MAGI1: variants seen among roughly 807,000 people sequenced by gnomAD.
The protein encoded by MAGI1 is membrane-associated guanylate kinase, WW and PDZ domain-containing protein 1.
MAGI1 carries 58 observed loss-of-function variants against 139.9 expected under a neutral mutation model. The ratio of observed to expected loss-of-function variants is 0.41; its 90% CI spans 0.34 to 0.52. The LOEUF is 0.52. MAGI1 is among the 20% of genes least tolerant of loss of function. The pLI, the probability that MAGI1 is intolerant of heterozygous loss-of-function variation, is 0.12. For missense variants in MAGI1, 1,874 were observed against 1,901.6 expected (o/e 0.99, Z 0.27); for synonymous variants, 812 against 737.9 (o/e 1.10, Z -1.63).
In MAGI1 at chr3:65,825,785, C is replaced by T. The variant is rs546672741; in HGVS notation, c.314-203697G>A. Among the ~76,000 whole-genome samples, 17 of 152,178 alleles carry T rather than the reference C, an allele frequency of 1.1e-4. No individual in the cohort carries two copies. In the South Asian group the frequency reaches 1.7e-3, roughly 15 times the overall value. ...CAGGCAGATCACGACGTCAAGAATTCGGGACCAGCCTGGCCAGTATGGTGA... is the reference window on the plus strand; with the variant it reads ...CAGGCAGATCACGACGTCAAGAATTTGGGACCAGCCTGGCCAGTATGGTGA... On this transcript the variant is annotated intron_variant, in intron 1 of 22. Transcript: ENST00000402939.
At chr3:65,391,653 G>A (rs928890941) in intron 13 of MAGI1, among the ~76,000 whole-genome samples, 5 of 152,116 alleles carry the variant, frequency 3.3e-5, no homozygotes, top group Admixed American at 2.6e-4. Context: ...AAGACGCTAT[G>A]CTCGTTTACT....
intron 1 of MAGI1, among the ~76,000 whole-genome samples, chr3:65,982,652 CTTGTA>C (rs1470445008): frequency 2.6e-5 from 4 of 152,124 alleles, no homozygotes; most frequent in Admixed American, 1.3e-4. Context: ...TTATCAGTGT[CTTGTA>C]TTGTAGAGTG....
At chr3:65,863,226 C>T (rs1305636768) in intron 1 of MAGI1, among the ~76,000 whole-genome samples, 1 of 152,180 alleles carries the variant, frequency 6.6e-6, no homozygotes, top group African/African-American at 2.4e-5. Context: ...ATACTGGTTA[C>T]CATGTCTTCT....
At chr3:66,033,292 G>C (rs1336598501) in intron 1 of MAGI1, among the ~76,000 whole-genome samples, 1 of 152,136 alleles carries the variant, frequency 6.6e-6, no homozygotes, top group African/African-American at 2.4e-5. Flanking sequence ...CCAAGGTGCT[G>C]GGATTACAGG....
In MAGI1 at chr3:65,766,436, G is replaced by A. The variant is rs189328442; in HGVS notation, c.314-144348C>T. ...GTGGATAATAGAAATTCGAAACTAC[G>A]TTGCAAGGGATTGTACAGCTATTCT... On this transcript the variant is annotated intron_variant, in intron 1 of 22. Coordinates refer to ENST00000402939, the MANE Select transcript of MAGI1 (RefSeq NM_001033057.2). 7.2e-5 allele frequency among the ~76,000 whole-genome samples: 11 copies of A among 152,140 alleles called. No individual in the cohort carries two copies. The East Asian group carries it at 1.2e-3, about 16-fold the overall frequency.
intron 1 of MAGI1, among the ~76,000 whole-genome samples, chr3:65,922,564 T>A (rs147631480): frequency 0.013 from 1,992 of 152,282 alleles, 44 homozygotes; most frequent in African/African-American, 0.046. Flanking sequence ...AAAGGATCTA[T>A]AGATCCTTCA....
intron 8 of MAGI1, among the ~76,000 whole-genome samples, chr3:65,442,358 T>C (rs556069645): frequency 1.2e-4 from 19 of 152,324 alleles, no homozygotes; most frequent in African/African-American, 3.4e-4. Flanking sequence ...TTGAAATGTA[T>C]GAATGAATAA....
Position 65,759,060 on chromosome 3 carries a change from C to T in MAGI1, c.314-136972G>A, listed in dbSNP as rs923789645. ...CCCCAGAAAGGAGAACTGTTAGGCC[C>T]AGTGCAAAAAAAAAAAAAAAAAAAA... On this transcript the variant is annotated intron_variant, in intron 1 of 22. Transcript: ENST00000402939. 4.5e-5 allele frequency among the ~76,000 whole-genome samples: 4 copies of T among 88,140 alleles called. No homozygotes were observed. The South Asian group carries it at 1.9e-3, about 42-fold the overall frequency. 57.8% of individuals were successfully genotyped at this position (88,140 alleles called of 152,430 possible).
chr3:65,409,652 T>C (rs867812127), intron 12 of MAGI1, among the ~76,000 whole-genome samples: 4 of 152,130 alleles, frequency 2.6e-5, no homozygotes, highest in Admixed American at 1.3e-4. Flanking sequence ...TTCTCCTTCT[T>C]CTGGCTAAAT....
chr3:65,764,428 A>G (rs749521085), intron 1 of MAGI1, among the ~76,000 whole-genome samples: 1 of 152,220 alleles, frequency 6.6e-6, no homozygotes, highest in African/African-American at 2.4e-5. Flanking sequence ...TGACATTGCA[A>G]GGGTTGCTGA....
At chr3:65,385,442 T>C (rs868849454) in intron 14 of MAGI1, among the ~76,000 whole-genome samples, 1 of 152,198 alleles carries the variant, frequency 6.6e-6, no homozygotes, top group Non-Finnish European at 1.5e-5. Flanking sequence ...GATTTGGGGC[T>C]GAAGGAAAGC....
At chr3:65,750,671 T>C (rs1441967603) in intron 1 of MAGI1, among the ~76,000 whole-genome samples, 1 of 152,184 alleles carries the variant, frequency 6.6e-6, no homozygotes, top group African/African-American at 2.4e-5. Context: ...GGTAAAATGC[T>C]TACTTTGGAG....
rs1191158343 is a variant in MAGI1, at chr3:65,430,714, C to A, written c.1531G>T (p.Gly511Cys). The change falls in exon 11 of 23, where the codon GGC (glycine) becomes TGC (cysteine). Residue 511 changes from glycine to cysteine, a missense_variant. This residue lies in a region of MAGI1 where 86 missense variants were observed against 130.0 expected (regional missense o/e 0.66). Coordinates refer to ENST00000402939, the MANE Select transcript of MAGI1 (RefSeq NM_001033057.2). ...TTGACGCTACCTGTTTCCATCTTGCCATCCAATGCAGCAGGACCATCTAGG... is the reference window on the plus strand; with the variant it reads ...TTGACGCTACCTGTTTCCATCTTGCAATCCAATGCAGCAGGACCATCTAGG... ...LVLDGPAALD[G>C]KMETGDVIVS... The A allele has an allele frequency of 6.2e-7, 1 of 1,613,230 alleles. No individual in the cohort carries two copies. The highest frequency in any genetic ancestry group is 1.3e-5 in the African/African-American group (1 of 74,944).
intron 22 of MAGI1, chr3:65,359,476 A>G (rs1249541173): frequency 9.1e-7 from 1 of 1,099,184 alleles, no homozygotes; most frequent in Non-Finnish European, 1.1e-6. Flanking sequence ...CTGGCATAGG[A>G]GAGCATTAAC....
chr3:65,805,691 T>C (rs1377031206), intron 1 of MAGI1, among the ~76,000 whole-genome samples: 1 of 152,166 alleles, frequency 6.6e-6, no homozygotes, highest in East Asian at 1.9e-4. Context: ...TCAACCTAAA[T>C]GCCCATCAGC....
At chr3:65,689,048 G>A (rs1279960140) in intron 1 of MAGI1, among the ~76,000 whole-genome samples, 1 of 152,118 alleles carries the variant, frequency 6.6e-6, no homozygotes, top group African/African-American at 2.4e-5. Flanking sequence ...GAGGCAATGA[G>A]ATGTTAAGTC....
At chr3:65,819,212 A>C (rs776097086) in intron 1 of MAGI1, among the ~76,000 whole-genome samples, 17 of 152,292 alleles carry the variant, frequency 1.1e-4, no homozygotes, top group Non-Finnish European at 1.9e-4. Flanking sequence ...TGAACCTGGG[A>C]GGCGGAGGTT....
rs564212886 is a variant in MAGI1 at position 65,805,584 on chromosome 3, C to A, written c.314-183496G>T. Among the ~76,000 whole-genome samples the A allele has an allele frequency of 7.2e-5, 11 of 152,304 alleles. No individual in the cohort carries two copies. In the South Asian group the frequency reaches 2.3e-3, roughly 32 times the overall value. ...ACCATTTGACCCGGCAATCCCATTA[C>A]TGGGTATATACCCAGAGGAATATAA... is the stretch of plus-strand genomic sequence containing the variant. On this transcript the variant is annotated intron_variant, in intron 1 of 22. Transcript: ENST00000402939.
chr3:65,963,487 G>A (rs908688707), intron 1 of MAGI1, among the ~76,000 whole-genome samples: 2 of 152,022 alleles, frequency 1.3e-5, no homozygotes, highest in African/African-American at 2.4e-5. Flanking sequence ...ATGGTGTCAT[G>A]CGCCTATAGT....
Sources: gnomAD v4.1 joint callset for allele counts (sites outside exome capture counted in the v4.1 genomes callset) on GRCh38, gnomAD v4.1.1 for gene constraint, gnomAD v4.1.1 regional missense constraint, MANE v1.5 for transcripts, NCBI Gene and HGNC (gene_info 2026-07-23, HGNC 2026-07-21) for gene names.